The following SIPA1L1 variants were observed in gnomAD, a reference collection of about 807,000 sequenced individuals.
SIPA1L1 encodes signal induced proliferation associated 1 like 1, also known as signal-induced proliferation-associated 1-like protein 1.
Under a neutral mutation model 162.7 loss-of-function variants are expected in SIPA1L1, and 26 were observed. The ratio of observed to expected loss-of-function variants is 0.16; its 90% confidence interval spans 0.12 to 0.22. SIPA1L1 has a LOEUF of 0.22. SIPA1L1 is among the 10% of genes least tolerant of loss of function. SIPA1L1 has a pLI of 1.00. For synonymous variants in SIPA1L1, 829 were observed against 837.4 expected (o/e 0.99, Z 0.17); for missense variants, 1,874 against 2,241.0 (o/e 0.84, Z 3.31).
chr14:71,592,269 C>G (rs567890211), intron 5 of SIPA1L1, among the ~76,000 whole-genome samples: 9 of 152,260 alleles, frequency 5.9e-5, no homozygotes, highest in Admixed American at 2.6e-4. Flanking sequence ...TGATAATATA[C>G]CACAAATAGT....
At chr14:71,700,530 G>A (rs1449495193) in intron 14 of SIPA1L1, among the ~76,000 whole-genome samples, 1 of 152,188 alleles carries the variant, frequency 6.6e-6, no homozygotes, top group Non-Finnish European at 1.5e-5. Flanking sequence ...GTGTAATTGT[G>A]AGTCCTTTTT....
rs182210265 is a variant in SIPA1L1, at chr14:71,732,224, G to A, written c.4862-1442G>A. Among the ~76,000 whole-genome samples, 48 of 152,282 alleles carry A rather than the reference G, an allele frequency of 3.2e-4. No homozygotes were observed. In the East Asian group the frequency reaches 8.7e-3, roughly 28 times the overall value. On this transcript the variant is annotated intron_variant, in intron 20 of 23. Transcript: ENST00000381232. ...GGGAAAACAAAGCATTTAATACACT[G>A]GCTTACCGGGCTGTCATAATACATG...
intron 4 of SIPA1L1, among the ~76,000 whole-genome samples, chr14:71,540,152 T>C: frequency 6.6e-6 from 1 of 152,240 alleles, no homozygotes; most frequent in Non-Finnish European, 1.5e-5. Context: ...GCCGATAGTT[T>C]ACATTGACAA....
At chr14:71,379,878 T>C (rs1334798015) in intron 2 of SIPA1L1, among the ~76,000 whole-genome samples, 1 of 152,222 alleles carries the variant, frequency 6.6e-6, no homozygotes, top group Non-Finnish European at 1.5e-5. Context: ...AATACCGTCT[T>C]TTTTTGTTAT....
At chr14:71,707,048 AAAG>A (rs1287031367) in intron 16 of SIPA1L1, among the ~76,000 whole-genome samples, 1 of 151,004 alleles carries the variant, frequency 6.6e-6, no homozygotes, top group African/African-American at 2.4e-5. Flanking sequence ...AAAAAAAAAA[AAAG>A]AAACTGGCAT....
At position 71,691,542 on chromosome 14, in the gene SIPA1L1, G is replaced by A. The variant is rs150036455; in HGVS notation, c.3374+5911G>A. On this transcript the variant is annotated intron_variant, in intron 13 of 23. Transcript: ENST00000381232. Reference sequence around the variant, plus strand: ...TGGGCATTTGAGGCTGCAGTGAGCCGTGATCACGCCACTGCACTTCAGCCG... The same window carrying A: ...TGGGCATTTGAGGCTGCAGTGAGCCATGATCACGCCACTGCACTTCAGCCG... Among the ~76,000 whole-genome samples, 6 of 152,298 alleles carry A rather than the reference G, an allele frequency of 3.9e-5. No individual in the cohort carries two copies. The South Asian group carries it at 6.2e-4, about 16-fold the overall frequency.
chr14:71,658,239 T>C (rs577015447), intron 8 of SIPA1L1, 94 bp from the exon 9 acceptor site: 1 of 696,154 alleles, frequency 1.4e-6, no homozygotes, highest in South Asian at 1.8e-5. Context: ...TAAATCATTT[T>C]CTTTTCTTCT....
intron 2 of SIPA1L1, among the ~76,000 whole-genome samples, chr14:71,432,965 GTGTT>G (rs1318653340): frequency 6.6e-6 from 1 of 152,170 alleles, no homozygotes; most frequent in East Asian, 1.9e-4. Context: ...GTGTTGGTGT[GTGTT>G]TGTATGAAAG....
intron 2 of SIPA1L1, among the ~76,000 whole-genome samples, chr14:71,452,723 AT>A (rs1313977109): frequency 1.3e-5 from 2 of 152,154 alleles, no homozygotes; most frequent in Non-Finnish European, 2.9e-5. Context: ...GATTTTAGCC[AT>A]TCTGGTGGGT....
At chr14:71,443,380 C>G (rs997299747) in intron 2 of SIPA1L1, among the ~76,000 whole-genome samples, 5 of 152,052 alleles carry the variant, frequency 3.3e-5, no homozygotes, top group Non-Finnish European at 5.9e-5. Flanking sequence ...ATTCTGGAAA[C>G]TGGTAATATT....
chr14:71,708,375 C>T lies in SIPA1L1; in HGVS notation c.3766-847C>T, dbSNP rs140443202. 1.7e-3 allele frequency among the ~76,000 whole-genome samples: 250 copies of T among 151,142 alleles called. 1 individual carries two copies. The highest frequency in any genetic ancestry group is 5.5e-3 in the African/African-American group (226 of 41,160). On this transcript the variant is annotated intron_variant, in intron 16 of 23. Coordinates refer to ENST00000381232, the MANE Select transcript of SIPA1L1 (RefSeq NM_001386936.1). Reference sequence around the variant, plus strand: ...CACTCTGTCACCAAGGCTGGAATGCCGTGCAGTGGCACAATCTCGGCTCAC... The same window carrying T: ...CACTCTGTCACCAAGGCTGGAATGCTGTGCAGTGGCACAATCTCGGCTCAC...
At chr14:71,628,067 T>A (rs2148675595) in intron 7 of SIPA1L1, among the ~76,000 whole-genome samples, 1 of 152,294 alleles carries the variant, frequency 6.6e-6, no homozygotes, top group Middle Eastern at 3.4e-3. Flanking sequence ...GGAGGATTGC[T>A]TGAGCCCAGG....
At chr14:71,687,732 C>T (rs2080972452) in intron 13 of SIPA1L1, among the ~76,000 whole-genome samples, 1 of 152,176 alleles carries the variant, frequency 6.6e-6, no homozygotes. Flanking sequence ...GAGGTAATTT[C>T]TGTGTGTACT....
intron 4 of SIPA1L1, among the ~76,000 whole-genome samples, chr14:71,556,359 C>T (rs890158475): frequency 6.6e-6 from 1 of 152,222 alleles, no homozygotes; most frequent in Non-Finnish European, 1.5e-5. Flanking sequence ...ACAGCGTACA[C>T]TGGCTGGATG....
At chr14:71,629,686 T>C (rs751363698) in intron 7 of SIPA1L1, among the ~76,000 whole-genome samples, 2 of 152,246 alleles carry the variant, frequency 1.3e-5, no homozygotes, top group Non-Finnish European at 2.9e-5. Flanking sequence ...GTAGTGACTT[T>C]GCCTAAATGA....
Position 71,735,304 on chromosome 14 carries a change from G to A in SIPA1L1, c.5036G>A (p.Ser1679Asn), listed in dbSNP as rs777732340. ...EVQRASFFAA[S>N]DENHRPLSAA... ...CAGAGAGCCTCATTTTTTGCTGCTAGTGATGAAAACCATCGCCCCTTGAGT... is the reference window on the plus strand; with the variant it reads ...CAGAGAGCCTCATTTTTTGCTGCTAATGATGAAAACCATCGCCCCTTGAGT... Residue 1679 changes from serine to asparagine, a missense_variant, in exon 22 of 24, where the codon AGT (serine) becomes AAT (asparagine). Around this residue, in one of 5 missense-constraint regions of SIPA1L1, gnomAD observed 936 missense variants for 1,051.9 expected, o/e 0.89. Transcript: ENST00000381232. The A allele has an allele frequency of 1.2e-5, 20 of 1,613,764 alleles. No homozygotes were observed. The highest frequency in any genetic ancestry group is 4.4e-5 in the South Asian group (4 of 91,044).
At chr14:71,738,363 A>G in intron 23 of SIPA1L1, 38 bp downstream of exon 23, 2 of 1,405,394 alleles carry the variant, frequency 1.4e-6, no homozygotes, top group Admixed American at 1.7e-5. Flanking sequence ...TCCAGTCTGT[A>G]CAAACTACCC....
At chr14:71,610,886 T>C (rs548048697) in intron 5 of SIPA1L1, among the ~76,000 whole-genome samples, 7 of 152,326 alleles carry the variant, frequency 4.6e-5, no homozygotes, top group Non-Finnish European at 8.8e-5. Context: ...AAGTGTTACC[T>C]ATGGGAAGAA....
At chr14:71,421,406 A>T (rs1417908830) in intron 2 of SIPA1L1, among the ~76,000 whole-genome samples, 2 of 152,056 alleles carry the variant, frequency 1.3e-5, no homozygotes, top group Non-Finnish European at 2.9e-5. Context: ...CAGCCTGGGC[A>T]ACATAGTGAG....
Sources: allele counts gnomAD v4.1 joint callset (sites outside exome capture counted in the v4.1 genomes callset), GRCh38; gene constraint gnomAD v4.1.1; regional missense constraint gnomAD v4.1.1; transcripts MANE v1.5; gene names NCBI Gene and HGNC (gene_info 2026-07-23, HGNC 2026-07-21).